Variants in KCTD8 observed in about 807,000 individuals in gnomAD.
KCTD8 encodes BTB/POZ domain-containing protein KCTD8.
KCTD8 carries 27 observed loss-of-function variants against 31.5 expected under a neutral mutation model. The observed-to-expected ratio is 0.86, with a 90% CI of 0.63 to 1.18. The LOEUF (loss-of-function observed/expected upper bound fraction) is 1.18, where lower values mean the gene tolerates loss of function less well. KCTD8 is among the 50% of genes most tolerant of loss of function. The pLI, the probability that KCTD8 is intolerant of heterozygous loss-of-function variation, is 0.00. For missense variants in KCTD8, 658 were observed against 647.7 expected, an observed-to-expected ratio of 1.02 and a Z score of -0.17; for synonymous variants, 290 against 280.0, an observed-to-expected ratio of 1.04 and a Z score of -0.36.
intron 1 of KCTD8, among the ~76,000 whole-genome samples, chr4:44,300,886 T>A (rs543797333): frequency 1.3e-4 from 13 of 103,276 alleles, no homozygotes; most frequent in Non-Finnish European, 2.2e-4. Context: ...CCCACAACAG[T>A]CCCCAGAGTG....
At chr4:44,376,400 C>G (rs1577643778) in intron 1 of KCTD8, among the ~76,000 whole-genome samples, 1 of 152,120 alleles carries the variant, frequency 6.6e-6, no homozygotes, top group East Asian at 1.9e-4. Flanking sequence ...GGCCACCACC[C>G]CTACTTCAGC....
chr4:44,215,694 T>C (rs1203664276), intron 1 of KCTD8, among the ~76,000 whole-genome samples: 3 of 152,328 alleles, frequency 2.0e-5, no homozygotes, highest in Middle Eastern at 3.4e-3. Flanking sequence ...TCCCAATTTG[T>C]AACAAATCAT....
At chr4:44,227,959 C>A (rs1289460995) in intron 1 of KCTD8, among the ~76,000 whole-genome samples, 2 of 152,148 alleles carry the variant, frequency 1.3e-5, no homozygotes, top group African/African-American at 4.8e-5. Context: ...AGTTAGTGAT[C>A]CTCTTAAAGC....
intron 1 of KCTD8, among the ~76,000 whole-genome samples, chr4:44,408,678 G>A (rs1465408938): frequency 6.6e-6 from 1 of 152,114 alleles, no homozygotes. Context: ...GAGTGGAGTG[G>A]CAGAATTTCA....
At chr4:44,434,758 T>C (rs961899142) in intron 1 of KCTD8, among the ~76,000 whole-genome samples, 3 of 151,948 alleles carry the variant, frequency 2.0e-5, no homozygotes, top group African/African-American at 7.2e-5. Context: ...TCAGACACAG[T>C]GCAAGACTTT....
chr4:44,303,579 G>T lies in KCTD8; in HGVS notation c.962-128329C>A, dbSNP rs187635493. 5.3e-3 allele frequency among the ~76,000 whole-genome samples: 805 copies of T among 152,186 alleles called. 5 individuals carry two copies. Among genetic ancestry groups the T allele is most frequent in the Non-Finnish European group, 9.1e-3 (621 of 68,010 alleles). On this transcript the variant is annotated intron_variant, in intron 1 of 1. Transcript: ENST00000360029. ...TCCTGTAATCCCAGTACTTTGGGAG[G>T]CTGAGGCAGGTGGATTGCTTGAGCT...
chr4:44,303,266 A>G (rs1474856776), intron 1 of KCTD8, among the ~76,000 whole-genome samples: 3 of 152,000 alleles, frequency 2.0e-5, no homozygotes, highest in Admixed American at 6.5e-5. Context: ...CTCTTTTTCT[A>G]TTGATTGGAA....
At position 44,336,481 on chromosome 4, in the gene KCTD8, T is replaced by C. The variant is rs937931450; in HGVS notation, c.961+111082A>G. Reference sequence around the variant, plus strand: ...CCTATCATACTCAATTAGACAACATTTTATTTATGGTGAGTAACTGAAGGC... The same window carrying C: ...CCTATCATACTCAATTAGACAACATCTTATTTATGGTGAGTAACTGAAGGC... On this transcript the variant is annotated intron_variant, in intron 1 of 1. Transcript: ENST00000360029. 2.0e-4 allele frequency among the ~76,000 whole-genome samples: 31 copies of C among 151,962 alleles called. 1 individual carries two copies. Among genetic ancestry groups the C allele is most frequent in the Admixed American group, 2.6e-4 (4 of 15,262 alleles).
chr4:44,423,111 G>A (rs1243873646), intron 1 of KCTD8, among the ~76,000 whole-genome samples: 1 of 152,098 alleles, frequency 6.6e-6, no homozygotes, highest in Non-Finnish European at 1.5e-5. Context: ...CAACTAAGGA[G>A]GGGAGGAGGA....
chr4:44,270,011 T>C (rs985874928), intron 1 of KCTD8, among the ~76,000 whole-genome samples: 82 of 152,166 alleles, frequency 5.4e-4, no homozygotes, highest in South Asian at 1.5e-3. Context: ...GAACTAGAAA[T>C]ACCATTTGAC....
At chr4:44,380,794 C>T (rs1333451945) in intron 1 of KCTD8, among the ~76,000 whole-genome samples, 1 of 151,818 alleles carries the variant, frequency 6.6e-6, no homozygotes, top group Non-Finnish European at 1.5e-5. Context: ...GAAGATGATT[C>T]ATCATGTATC....
intron 1 of KCTD8, among the ~76,000 whole-genome samples, chr4:44,338,878 G>T (rs1718822820): frequency 6.6e-6 from 1 of 152,048 alleles, no homozygotes; most frequent in South Asian, 2.1e-4. Flanking sequence ...ATAGAAAAAA[G>T]CTCTCTTCAT....
intron 1 of KCTD8, among the ~76,000 whole-genome samples, chr4:44,289,001 A>C (rs992967061): frequency 1.4e-4 from 21 of 151,436 alleles, no homozygotes; most frequent in Non-Finnish European, 2.7e-4. Context: ...TATATATAAA[A>C]ATTTAGTCTT....
intron 1 of KCTD8, among the ~76,000 whole-genome samples, chr4:44,260,142 TG>T (rs1716118407): frequency 6.9e-6 from 1 of 145,038 alleles, no homozygotes; most frequent in Non-Finnish European, 1.5e-5. Context: ...TATGCTAAAA[TG>T]AAAAAAAAAC....
chr4:44,313,119 A>G (rs1256388770), intron 1 of KCTD8, among the ~76,000 whole-genome samples: 1 of 152,178 alleles, frequency 6.6e-6, no homozygotes, highest in East Asian at 1.9e-4. Flanking sequence ...CCAGAGAAGG[A>G]AGCATGTATT....
At chr4:44,310,698 C>A (rs987137328) in intron 1 of KCTD8, among the ~76,000 whole-genome samples, 3 of 151,976 alleles carry the variant, frequency 2.0e-5, no homozygotes, top group Non-Finnish European at 4.4e-5. Flanking sequence ...TAGTTACCAC[C>A]AATGTGCAGA....
intron 1 of KCTD8, among the ~76,000 whole-genome samples, chr4:44,215,148 T>G (rs1714611278): frequency 6.6e-6 from 1 of 152,144 alleles, no homozygotes; most frequent in Admixed American, 6.5e-5. Flanking sequence ...TCCCTGAGTT[T>G]TCAGGGAGAC....
intron 1 of KCTD8, among the ~76,000 whole-genome samples, chr4:44,407,933 A>C (rs370958125): frequency 6.6e-6 from 1 of 152,156 alleles, no homozygotes; most frequent in South Asian, 2.1e-4. Flanking sequence ...CATACTCTAC[A>C]CAAGGAGTAC....
At chr4:44,252,580 CA>C (rs1274347832) in intron 1 of KCTD8, among the ~76,000 whole-genome samples, 1 of 151,538 alleles carries the variant, frequency 6.6e-6, no homozygotes, top group Non-Finnish European at 1.5e-5. Flanking sequence ...GGTATCGCAT[CA>C]AAAGCTTTTT....
Sources: gnomAD v4.1 joint callset for allele counts (sites outside exome capture counted in the v4.1 genomes callset) on GRCh38, gnomAD v4.1.1 for gene constraint, MANE v1.5 for transcripts, NCBI Gene and HGNC (gene_info 2026-07-23, HGNC 2026-07-21) for gene names.